The following PCSK6 variants were observed in gnomAD, a reference collection of about 807,000 sequenced individuals.
PCSK6 encodes the protein proprotein convertase subtilisin/kexin type 6.
A neutral mutation model predicts 123.3 loss-of-function variants in PCSK6; 85 were observed. That is an observed-to-expected ratio of 0.69 (90% confidence interval 0.58 to 0.83). The LOEUF (loss-of-function observed/expected upper bound fraction) is 0.83, where lower values mean the gene tolerates loss of function less well. PCSK6 is among the 40% of genes least tolerant of loss of function. The pLI, the probability that PCSK6 is intolerant of heterozygous loss-of-function variation, is 0.00. For synonymous variants in PCSK6, 508 were observed against 516.0 expected, an observed-to-expected ratio of 0.98 and a Z score of 0.21; for missense variants, 1,191 against 1,282.3, an observed-to-expected ratio of 0.93 and a Z score of 1.09.
At chr15:101,358,374 C>T (rs1045418328) in intron 13 of PCSK6, among the ~76,000 whole-genome samples, 1 of 152,242 alleles carries the variant, frequency 6.6e-6, no homozygotes, top group Non-Finnish European at 1.5e-5. Flanking sequence ...CTCACAAGCC[C>T]TTCCTTGTTT....
At chr15:101,407,269 T>C (rs1008009104) in intron 6 of PCSK6, among the ~76,000 whole-genome samples, 12 of 152,328 alleles carry the variant, frequency 7.9e-5, no homozygotes, top group Non-Finnish European at 1.6e-4. Context: ...GCCAAGGCAG[T>C]TGAGAAGATT....
intron 13 of PCSK6, chr15:101,347,010 G>A (rs778115134): frequency 3.2e-6 from 4 of 1,231,716 alleles, no homozygotes; most frequent in Middle Eastern, 3.1e-4. Flanking sequence ...CAATATTAAT[G>A]CAAATGGGGT....
intron 15 of PCSK6, among the ~76,000 whole-genome samples, chr15:101,328,707 G>T (rs1160065865): frequency 6.6e-6 from 1 of 152,186 alleles, no homozygotes; most frequent in Non-Finnish European, 1.5e-5. Flanking sequence ...CAACAGAGCT[G>T]CAGGGCCCCC....
chr15:101,369,016 G>A (rs569407281), intron 12 of PCSK6, among the ~76,000 whole-genome samples: 5 of 152,188 alleles, frequency 3.3e-5, no homozygotes, highest in African/African-American at 4.8e-5. Flanking sequence ...AGGAGGGAGA[G>A]GTGCCCCTGT....
chr15:101,405,424 G>A (rs1185505300), intron 6 of PCSK6, among the ~76,000 whole-genome samples: 1 of 152,182 alleles, frequency 6.6e-6, no homozygotes, highest in African/African-American at 2.4e-5. Flanking sequence ...CGGGAGGAGT[G>A]TTGAGTGGAA....
intron 1 of PCSK6, among the ~76,000 whole-genome samples, chr15:101,447,495 T>C (rs2056921312): frequency 6.6e-6 from 1 of 152,050 alleles, no homozygotes; most frequent in Admixed American, 6.5e-5. Flanking sequence ...CCCATTCTGC[T>C]CACAGACAAG....
At chr15:101,430,217 T>C (rs894136268) in intron 4 of PCSK6, among the ~76,000 whole-genome samples, 154 bp from the exon 5 acceptor site, 4 of 152,128 alleles carry the variant, frequency 2.6e-5, no homozygotes, top group African/African-American at 9.7e-5. Flanking sequence ...CGTGGTAAAA[T>C]ATATGTGACG....
intron 11 of PCSK6, among the ~76,000 whole-genome samples, chr15:101,373,707 A>G (rs576693332): frequency 7.2e-5 from 11 of 152,362 alleles, no homozygotes; most frequent in Admixed American, 3.3e-4. Context: ...ACTTTAAAAA[A>G]TTAACTCCAA....
At chr15:101,472,048 T>C (rs894072293) in intron 1 of PCSK6, among the ~76,000 whole-genome samples, 8 of 151,666 alleles carry the variant, frequency 5.3e-5, no homozygotes, top group African/African-American at 1.7e-4. Context: ...AAAAGCTAAA[T>C]GACCCAGAAA....
intron 17 of PCSK6, among the ~76,000 whole-genome samples, chr15:101,323,340 G>T (rs780342195): frequency 7.2e-5 from 11 of 152,336 alleles, no homozygotes; most frequent in Non-Finnish European, 1.0e-4. Flanking sequence ...TGGGGATGAA[G>T]GCGCCTCCGT....
chr15:101,399,452 T>C (rs779988229), intron 6 of PCSK6, among the ~76,000 whole-genome samples: 17 of 152,096 alleles, frequency 1.1e-4, no homozygotes, highest in Non-Finnish European at 1.9e-4. Flanking sequence ...GAGGGGTCTT[T>C]AGAGGTGGAG....
chr15:101,310,335 C>T (rs191361579), intron 20 of PCSK6, among the ~76,000 whole-genome samples: 389 of 152,076 alleles, frequency 2.6e-3, no homozygotes, highest in Non-Finnish European at 4.7e-3. Flanking sequence ...TGGGGCTGCC[C>T]GCCTGCTGCC....
At chr15:101,405,324 T>C (rs1348025367) in intron 6 of PCSK6, among the ~76,000 whole-genome samples, 1 of 152,226 alleles carries the variant, frequency 6.6e-6, no homozygotes, top group East Asian at 1.9e-4. Flanking sequence ...GCTAACGGAC[T>C]GCTTTTGGGC....
intron 13 of PCSK6, among the ~76,000 whole-genome samples, chr15:101,351,168 T>C (rs766298945): frequency 2.0e-5 from 3 of 152,170 alleles, no homozygotes; most frequent in Admixed American, 6.5e-5. Flanking sequence ...AAGCTTGAAA[T>C]TGGCCATGGC....
intron 1 of PCSK6, among the ~76,000 whole-genome samples, chr15:101,472,248 G>C (rs10083624): frequency 0.046 from 7,024 of 152,288 alleles, 385 homozygotes; most frequent in African/African-American, 0.13. Flanking sequence ...CTTCTGCTAT[G>C]AAGGGGCCGA....
At chr15:101,484,909 C>T (rs754080761) in intron 1 of PCSK6, among the ~76,000 whole-genome samples, 8 of 152,168 alleles carry the variant, frequency 5.3e-5, no homozygotes, top group Non-Finnish European at 8.8e-5. Context: ...TTTAAAAAAA[C>T]GCCTGCATGG....
At chr15:101,377,056 C>T (rs1039797723) in intron 11 of PCSK6, among the ~76,000 whole-genome samples, 5 of 152,240 alleles carry the variant, frequency 3.3e-5, no homozygotes, top group East Asian at 1.9e-4. Flanking sequence ...CCTAAAAAGA[C>T]GTCACATCAG....
Position 101,423,465 on chromosome 15 carries a change from T to C in PCSK6, c.823+4427A>G, listed in dbSNP as rs559809864. Among the ~76,000 whole-genome samples, 19 of 152,218 alleles carry C rather than the reference T, an allele frequency of 1.2e-4. No individual in the cohort carries two copies. The South Asian group carries it at 3.9e-3, about 32-fold the overall frequency. On this transcript the variant is annotated intron_variant, in intron 6 of 21. Transcript: ENST00000611716. ...TTAGTAGAGACGGGGTTTTAGCATG[T>C]TGGCCAGTCTGGTCTTGAACTCCTG...
chr15:101,317,519 G>GA (rs11369018), intron 19 of PCSK6, among the ~76,000 whole-genome samples: 68,965 of 151,990 alleles, frequency 0.45, 19,141 homozygotes, highest in African/African-American at 0.8. Context: ...TTTCCTCTTT[G>GA]AAAAAATGTT....
Sources: allele counts gnomAD v4.1 joint callset (sites outside exome capture counted in the v4.1 genomes callset), GRCh38; gene constraint gnomAD v4.1.1; transcripts MANE v1.5; gene names NCBI Gene and HGNC (gene_info 2026-07-23, HGNC 2026-07-21).